ZBTB20: variants seen among roughly 807,000 people sequenced by gnomAD.
ZBTB20 encodes the protein zinc finger and BTB domain containing 20, also known as zinc finger and BTB domain-containing protein 20.
A neutral mutation model predicts 56.9 loss-of-function variants in ZBTB20; 9 were observed. The ratio of observed to expected loss-of-function variants is 0.16; its 90% CI spans 0.10 to 0.28. ZBTB20 has a LOEUF of 0.28. ZBTB20 is among the 10% of genes least tolerant of loss of function. The pLI, the probability that ZBTB20 is intolerant of heterozygous loss-of-function variation, is 1.00. For missense variants in ZBTB20, 655 were observed against 1,003.0 expected, an observed-to-expected ratio of 0.65 and a Z score of 4.69; for synonymous variants, 417 against 420.7, an observed-to-expected ratio of 0.99 and a Z score of 0.11.
chr3:114,392,416 C>T (rs1321575989), intron 7 of ZBTB20, among the ~76,000 whole-genome samples: 3 of 152,034 alleles, frequency 2.0e-5, no homozygotes, highest in Admixed American at 1.3e-4. Flanking sequence ...TACTATGTAC[C>T]CACAAAAATT....
At chr3:114,361,130 A>G (rs930382006) in intron 10 of ZBTB20, among the ~76,000 whole-genome samples, 1 of 151,984 alleles carries the variant, frequency 6.6e-6, no homozygotes, top group African/African-American at 2.4e-5. Flanking sequence ...TATAGCTAAC[A>G]TTCAAATTAT....
intron 5 of ZBTB20, among the ~76,000 whole-genome samples, chr3:114,706,377 C>T (rs565506443): frequency 2.0e-4 from 30 of 152,222 alleles, no homozygotes; most frequent in Middle Eastern, 3.4e-3. Context: ...CTGGGAGTAA[C>T]AGAAGATGTG....
chr3:114,665,331 A>G (rs1466742991), intron 6 of ZBTB20, among the ~76,000 whole-genome samples: 1 of 152,050 alleles, frequency 6.6e-6, no homozygotes, highest in Non-Finnish European at 1.5e-5. Context: ...GCAATAAGTT[A>G]TACTATATAG....
At chr3:114,413,099 A>C (rs2088147123) in intron 7 of ZBTB20, among the ~76,000 whole-genome samples, 1 of 152,168 alleles carries the variant, frequency 6.6e-6, no homozygotes, top group South Asian at 2.1e-4. Flanking sequence ...TGGATGAAGT[A>C]CTTCAAAAAA....
intron 4 of ZBTB20, among the ~76,000 whole-genome samples, chr3:114,822,899 G>A (rs1210745843): frequency 4.6e-5 from 7 of 152,018 alleles, no homozygotes; most frequent in African/African-American, 1.7e-4. Context: ...TACATCCGTT[G>A]TCTTTGATGT....
At position 114,723,962 on chromosome 3, in the gene ZBTB20, G is replaced by A. The variant is rs7630423; in HGVS notation, c.-342-30387C>T. 8.2e-3 allele frequency among the ~76,000 whole-genome samples: 1,248 copies of A among 151,730 alleles called. 12 individuals carry two copies. Among genetic ancestry groups the A allele is most frequent in the African/African-American group, 0.027 (1,123 of 41,386 alleles). ...TGGCTCACTACAAGCTCCGCCTCCC[G>A]GGTTCACGCCATTCTCCTTCCTCAG... is the stretch of plus-strand genomic sequence containing the variant. On this transcript the variant is annotated intron_variant, in intron 5 of 11. Coordinates refer to ENST00000675478, the MANE Select transcript of ZBTB20 (RefSeq NM_001348800.3).
intron 5 of ZBTB20, among the ~76,000 whole-genome samples, chr3:114,716,153 ACG>A (rs956332182): frequency 6.6e-6 from 1 of 152,158 alleles, no homozygotes; most frequent in African/African-American, 2.4e-5. Context: ...CGAAATACAC[ACG>A]GGAAAAGCTC....
chr3:114,941,598 T>A (rs1229925045), intron 3 of ZBTB20, among the ~76,000 whole-genome samples: 1 of 146,294 alleles, frequency 6.8e-6, no homozygotes, highest in Non-Finnish European at 1.5e-5. Context: ...TCAAAAGATA[T>A]CTAAAGACTC....
chr3:114,363,913 C>T (rs988384386), intron 10 of ZBTB20, among the ~76,000 whole-genome samples: 1 of 152,126 alleles, frequency 6.6e-6, no homozygotes, highest in Non-Finnish European at 1.5e-5. Flanking sequence ...TTATATACAT[C>T]GCTGATGAGG....
At chr3:115,097,023 A>G (rs1446557164) in intron 1 of ZBTB20, among the ~76,000 whole-genome samples, 2 of 152,216 alleles carry the variant, frequency 1.3e-5, no homozygotes, top group Non-Finnish European at 1.5e-5. Context: ...CAATTTTTGA[A>G]ACCCTAATGA....
intron 6 of ZBTB20, among the ~76,000 whole-genome samples, chr3:114,684,865 G>C (rs2062231111): frequency 6.6e-6 from 1 of 152,000 alleles, no homozygotes; most frequent in African/African-American, 2.4e-5. Context: ...CAATGAGTGG[G>C]CAGGCCTTTA....
intron 6 of ZBTB20, among the ~76,000 whole-genome samples, chr3:114,549,164 T>C (rs1040709021): frequency 6.6e-6 from 1 of 152,214 alleles, no homozygotes; most frequent in Non-Finnish European, 1.5e-5. Flanking sequence ...TCACTAAATA[T>C]CTAATCAAAG....
chr3:114,633,951 G>A (rs1487666026), intron 6 of ZBTB20, among the ~76,000 whole-genome samples: 1 of 152,084 alleles, frequency 6.6e-6, no homozygotes, highest in African/African-American at 2.4e-5. Context: ...TCTCAGTTTT[G>A]AAGGCATCAA....
At chr3:114,416,091 C>T (rs1292339425) in intron 7 of ZBTB20, among the ~76,000 whole-genome samples, 1 of 151,936 alleles carries the variant, frequency 6.6e-6, no homozygotes, top group Non-Finnish European at 1.5e-5. Context: ...ATGACTTAGC[C>T]AGTATTACAG....
At chr3:114,362,935 C>G (rs751312825) in intron 10 of ZBTB20, among the ~76,000 whole-genome samples, 1 of 152,040 alleles carries the variant, frequency 6.6e-6, no homozygotes, top group African/African-American at 2.4e-5. Context: ...TTTATATGTA[C>G]ATTAACAGTA....
rs2079376037 is a variant in ZBTB20, at chr3:114,334,330, A to T, written c.*4675T>A. ...GTGGAGGAGCCCCAACAAGGAAGCA[A>T]CATATGGCTTTATTATGTTTTCTCA... On this transcript the variant is annotated 3_prime_UTR_variant, in exon 12 of 12. Coordinates refer to ENST00000675478, the MANE Select transcript of ZBTB20 (RefSeq NM_001348800.3). 6.6e-6 allele frequency: 1 copy of T among 152,222 alleles called. No homozygotes were observed. Among genetic ancestry groups the T allele is most frequent in the Non-Finnish European group, 1.5e-5 (1 of 68,048 alleles). The allele number at this position is 152,222 out of a possible 1,614,324, so 9.4% of individuals were successfully genotyped here. A position where few individuals can be genotyped will look rare whatever the true frequency, so the allele number is the denominator to read the frequency against.
At chr3:114,795,116 T>G (rs904267599) in intron 5 of ZBTB20, among the ~76,000 whole-genome samples, 3 of 152,098 alleles carry the variant, frequency 2.0e-5, no homozygotes, top group African/African-American at 4.8e-5. Flanking sequence ...TTGTCAGAGA[T>G]CTACTCTGTT....
At chr3:115,087,552 A>AGGG (rs2083033451) in intron 1 of ZBTB20, among the ~76,000 whole-genome samples, 1 of 151,912 alleles carries the variant, frequency 6.6e-6, no homozygotes, top group Non-Finnish European at 1.5e-5. Flanking sequence ...AAACGTGAGT[A>AGGG]GGGATATTAG....
intron 3 of ZBTB20, among the ~76,000 whole-genome samples, chr3:114,971,018 A>G (rs2077860507): frequency 6.6e-6 from 1 of 152,190 alleles, no homozygotes; most frequent in African/African-American, 2.4e-5. Flanking sequence ...CCGTCAAAAA[A>G]AAAAAAAAGA....
Sources: allele counts gnomAD v4.1 joint callset (sites outside exome capture counted in the v4.1 genomes callset), GRCh38; gene constraint gnomAD v4.1.1; transcripts MANE v1.5; gene names NCBI Gene and HGNC (gene_info 2026-07-23, HGNC 2026-07-21).